ANKMY1: variants seen among roughly 807,000 people sequenced by gnomAD.
The protein encoded by ANKMY1 is ankyrin repeat and MYND domain containing 1.
ANKMY1 carries 98 observed loss-of-function variants against 102.0 expected under a neutral mutation model. The ratio of observed to expected loss-of-function variants is 0.96; its 90% CI spans 0.82 to 1.14. The LOEUF is 1.14. Among genes scored for constraint, ANKMY1 ranks in the 50% most tolerant of loss-of-function variants. The pLI, the probability that ANKMY1 is intolerant of heterozygous loss-of-function variation, is 0.00. For missense variants in ANKMY1, 1,330 were observed against 1,347.6 expected (o/e 0.99, Z 0.20); for synonymous variants, 582 against 559.9 (o/e 1.04, Z -0.56).
chr2:240,482,771 T>A (rs975832878), intron 15 of ANKMY1, among the ~76,000 whole-genome samples: 1 of 152,238 alleles, frequency 6.6e-6, no homozygotes, highest in African/African-American at 2.4e-5. Flanking sequence ...CAGGTTCTGT[T>A]CCTGTTGGGT....
chr2:240,526,779 G>A (rs1252018328), intron 5 of ANKMY1: 7 of 1,247,652 alleles, frequency 5.6e-6, no homozygotes, highest in Non-Finnish European at 7.1e-6. Flanking sequence ...AAAGGCCCTG[G>A]GTAGGATGGA....
At chr2:240,539,616 C>A (rs2088058171) in intron 4 of ANKMY1, among the ~76,000 whole-genome samples, 1 of 152,190 alleles carries the variant, frequency 6.6e-6, no homozygotes, top group Admixed American at 6.5e-5. Context: ...ACTCAAATGT[C>A]CTTCATCAGG....
chr2:240,526,865 T>C (rs768816517), intron 5 of ANKMY1: 18 of 1,158,622 alleles, frequency 1.6e-5, no homozygotes, highest in South Asian at 3.7e-5. Flanking sequence ...TTTGTCTGAG[T>C]AGACAACATG....
At chr2:240,556,890 G>A (rs2092405109) in intron 2 of ANKMY1, among the ~76,000 whole-genome samples, 1 of 152,204 alleles carries the variant, frequency 6.6e-6, no homozygotes, top group African/African-American at 2.4e-5. Context: ...GAGCTGTGAA[G>A]ATGGAGACAG....
chr2:240,560,608 A>C (rs895211205), upstream of ANKMY1: 1 of 1,353,228 alleles, frequency 7.4e-7, no homozygotes, highest in African/African-American at 1.5e-5. Context: ...CGGCTCCCAC[A>C]AATAGACTCC....
rs751707294 is a variant in ANKMY1, at chr2:240,525,814, CAGG to C, written c.1203_1205del (p.Leu402del). The C allele has an allele frequency of 6.2e-7, 1 of 1,614,046 alleles. No individual in the cohort carries two copies. The highest frequency in any genetic ancestry group is 8.5e-7 in the Non-Finnish European group (1 of 1,180,002). ...ACTTGTTCACGTCGGCCCCACAGTC[CAGG>C]AGAAGGTTGACAATGTCGTTGTGGC... is the stretch of plus-strand genomic sequence containing the variant. On this transcript the variant is annotated inframe_deletion, in exon 7 of 18. Coordinates refer to ENST00000401804, the MANE Select transcript of ANKMY1 (RefSeq NM_001282771.3).
intron 11 of ANKMY1, among the ~76,000 whole-genome samples, chr2:240,510,161 C>T (rs58350394): frequency 0.11 from 12,112 of 109,554 alleles, 1,292 homozygotes; most frequent in African/African-American, 0.18. Flanking sequence ...TCCGTGCCCT[C>T]CCTGCCCTCC....
chr2:240,552,859 G>T (rs768945326), intron 4 of ANKMY1, 55 bp downstream of exon 4: 18 of 1,611,250 alleles, frequency 1.1e-5, no homozygotes, highest in African/African-American at 2.7e-5. Context: ...TTGTCCAGTG[G>T]CTTAGACACA....
chr2:240,477,421 T>C (rs934353887), downstream of ANKMY1, among the ~76,000 whole-genome samples: 1 of 152,238 alleles, frequency 6.6e-6, no homozygotes, highest in African/African-American at 2.4e-5. Flanking sequence ...AATTAGTTGT[T>C]AGCATCTTTC....
Position 240,507,570 on chromosome 2 carries a change from T to C in ANKMY1, c.2516A>G (p.Lys839Arg), listed in dbSNP as rs148825327. ...TYEHQRNMDS[K>R]LALIDRLISH... ...CCTCCTGCCCCTCACCAGGGCCAGC[T>C]TGCTGTCCATGTTCCTCTGGTGCTC... Residue 839 changes from lysine (K) to arginine (R), a missense_variant, in exon 13 of 18, where the codon AAG becomes AGG. Physicochemically the swap from Lys to Arg is conservative, Grantham distance 26 (BLOSUM62 2). Coordinates refer to ENST00000401804, the MANE Select transcript of ANKMY1 (RefSeq NM_001282771.3). 12 of 1,607,976 alleles carry C rather than the reference T, an allele frequency of 7.5e-6. No individual in the cohort carries two copies. In the African/African-American group the frequency reaches 1.5e-4, roughly 20 times the overall value.
chr2:240,484,032 G>A (rs1309279544), intron 15 of ANKMY1, among the ~76,000 whole-genome samples: 2 of 152,218 alleles, frequency 1.3e-5, no homozygotes, highest in Admixed American at 1.3e-4. Flanking sequence ...TTTTATGGCT[G>A]CATAGTATTC....
In ANKMY1 at chr2:240,524,375, G is replaced by A. The variant is rs557881659; in HGVS notation, c.1342C>T (p.Pro448Ser). Residue 448 changes from proline to serine, a missense_variant, in exon 8 of 18, where the codon CCA (proline) becomes TCA (serine). Pro to Ser is a moderately conservative substitution (Grantham distance 74). Coordinates refer to ENST00000401804, the MANE Select transcript of ANKMY1 (RefSeq NM_001282771.3). ...ERTIPEPQEP[P>S]KFPVVPILSS... ...AGGATTGGAACAACTGGGAATTTTG[G>A]AGGTTCCTTTGGAAAGAACCAAAAA... The A allele has an allele frequency of 3.1e-6, 5 of 1,591,110 alleles. No individual in the cohort carries two copies. In the East Asian group the frequency reaches 6.7e-5, roughly 21 times the overall value.
In ANKMY1 at chr2:240,499,876, C is replaced by CCGTATCATTAAAAA; in HGVS notation, c.2806+81_2806+82insTTTTTAATGATACG. The CCGTATCATTAAAAA allele has an allele frequency of 8.8e-6, 13 of 1,475,980 alleles. No individual in the cohort carries two copies. The highest frequency in any genetic ancestry group is 5.5e-5 in the South Asian group (4 of 73,104). The allele number at this position is 1,475,980 out of a possible 1,614,324, so 91.4% of individuals were successfully genotyped here. On this transcript the variant is annotated intron_variant, in intron 15 of 17. Coordinates refer to ENST00000401804, the MANE Select transcript of ANKMY1 (RefSeq NM_001282771.3). This position sits in a 1 kb window ranked among gnomAD's most constrained non-coding sequence, Gnocchi z 4.2. The stretch of plus-strand genomic sequence containing the variant: ...GCCCCTCCAAGAGCCCCAGGGGGTC[C>CCGTATCATTAAAAA]AGATCTCCAGGGATAACAGCCCCAG...
At chr2:240,512,705 T>A (rs1291464301) in intron 10 of ANKMY1, 97 bp downstream of exon 10, 1 of 1,426,166 alleles carries the variant, frequency 7.0e-7, no homozygotes, top group East Asian at 2.7e-5. Context: ...AGGAGGCCCA[T>A]CATGCTCGGC....
intron 15 of ANKMY1, among the ~76,000 whole-genome samples, chr2:240,488,236 C>T (rs141339365): frequency 6.6e-6 from 1 of 152,252 alleles, no homozygotes; most frequent in Non-Finnish European, 1.5e-5. Flanking sequence ...GTGTCCTTTC[C>T]CCAGTGTATG....
In ANKMY1 at chr2:240,509,462, G is replaced by A. The variant is rs770020155; in HGVS notation, c.2287-7C>T. The A allele has an allele frequency of 1.9e-5, 30 of 1,603,694 alleles. No homozygotes were observed. In the South Asian group the frequency reaches 3.3e-4, roughly 18 times the overall value. ...GGACTATGTCCCTGGCACACTGGGTGGGGAGAAATGACAGGTTAGAGAGGC... is the reference window on the plus strand; with the variant it reads ...GGACTATGTCCCTGGCACACTGGGTAGGGAGAAATGACAGGTTAGAGAGGC... On this transcript the variant is annotated splice_region_variant and splice_polypyrimidine_tract_variant and intron_variant, in intron 11 of 17. Coordinates refer to ENST00000401804, the MANE Select transcript of ANKMY1 (RefSeq NM_001282771.3).
At chr2:240,503,151 G>A (rs373731135) in intron 13 of ANKMY1, among the ~76,000 whole-genome samples, 12 of 152,192 alleles carry the variant, frequency 7.9e-5, no homozygotes, top group East Asian at 3.9e-4. Context: ...AGGAAGGGGC[G>A]GCCTGAGGCT....
intron 8 of ANKMY1, chr2:240,522,099 T>G (rs895531084): frequency 2.0e-5 from 3 of 152,250 alleles, no homozygotes; most frequent in African/African-American, 7.2e-5. Context: ...CTGGTCCATT[T>G]TACAGACCAC....
rs375234055 is a variant in ANKMY1 at position 240,482,260 on chromosome 2, C to T, written c.2808G>A (p.Ala936=). 89 of 1,611,428 alleles carry T rather than the reference C, an allele frequency of 5.5e-5. No homozygotes were observed. The highest frequency in any genetic ancestry group is 9.4e-5 in the African/African-American group (7 of 74,806). ...DPTWLYLCKR[A]ELIPSHRMKK... The stretch of plus-strand genomic sequence containing the variant: ...TCATCCTGTGGCTGGGGATCAGCTC[C>T]GCTGCATGAGAGAGGGTCCCGCATT... The change falls in exon 16 of 18, where the codon GCG becomes GCA. Residue 936 remains alanine (A), a splice_region_variant and synonymous_variant. Coordinates refer to ENST00000401804, the MANE Select transcript of ANKMY1 (RefSeq NM_001282771.3).
Sources: gnomAD v4.1 joint callset for allele counts (sites outside exome capture counted in the v4.1 genomes callset) on GRCh38, gnomAD v4.1.1 for gene constraint, Gnocchi (gnomAD v3.1) non-coding constraint, MANE v1.5 for transcripts, NCBI Gene and HGNC (gene_info 2026-07-23, HGNC 2026-07-21) for gene names.